The following BTAF1 variants were observed in gnomAD, a reference collection of about 807,000 sequenced individuals.
BTAF1 encodes the protein B-TFIID TATA-box binding protein associated factor 1, also known as TATA-binding protein-associated factor 172.
Under a neutral mutation model 227.1 loss-of-function variants are expected in BTAF1, and 38 were observed. The observed-to-expected ratio is 0.17, with a 90% CI of 0.13 to 0.22. BTAF1 has a LOEUF of 0.22. BTAF1 is among the 10% of genes least tolerant of loss of function. BTAF1 has a pLI of 1.00. For missense variants in BTAF1, 1,598 were observed against 2,204.0 expected (o/e 0.73, Z 5.51); for synonymous variants, 742 against 751.9 (o/e 0.99, Z 0.21).
At position 91,950,750 on chromosome 10, in the gene BTAF1, TG is replaced by T. The variant is rs200707246; in HGVS notation, c.401-652del. Among the ~76,000 whole-genome samples the T allele has an allele frequency of 2.4e-4, 36 of 152,240 alleles. No individual in the cohort carries two copies. In the East Asian group the frequency reaches 5.8e-3, roughly 24 times the overall value. On this transcript the variant is annotated intron_variant, in intron 4 of 37. Coordinates refer to ENST00000265990, the MANE Select transcript of BTAF1 (RefSeq NM_003972.3). ...CTTTTACTGTTGAACAAAATCTAGA[TG>T]TTTTTTTAGCCCAGTGAGAGCTTTC...
At chr10:91,948,369 CTATT>C (rs59744946) in intron 4 of BTAF1, among the ~76,000 whole-genome samples, 92,041 of 142,896 alleles carry the variant, frequency 0.64, 30,729 homozygotes, top group Non-Finnish European at 0.73. Flanking sequence ...AGTTTTAGAA[CTATT>C]TATTTATTTA....
chr10:91,978,365 G>A (rs1337492125), intron 14 of BTAF1, among the ~76,000 whole-genome samples: 2 of 151,942 alleles, frequency 1.3e-5, no homozygotes, highest in African/African-American at 2.4e-5. Context: ...GTTGAGGGTC[G>A]GGGAACAGAG....
chr10:91,936,652 C>G (rs1450681071), intron 2 of BTAF1, among the ~76,000 whole-genome samples: 3 of 152,150 alleles, frequency 2.0e-5, no homozygotes, highest in Admixed American at 2.0e-4. Context: ...GATGGAGAGA[C>G]AGTGATTTGA....
intron 1 of BTAF1, among the ~76,000 whole-genome samples, chr10:91,927,980 C>CTTT (rs60105160): frequency 4.9e-5 from 6 of 121,570 alleles, no homozygotes; most frequent in Admixed American, 8.2e-5. Context: ...TGCCTTTTTT[C>CTTT]TTTTTTTTTT....
At chr10:91,937,491 G>A (rs1398426352) in intron 2 of BTAF1, among the ~76,000 whole-genome samples, 1 of 152,010 alleles carries the variant, frequency 6.6e-6, no homozygotes, top group Non-Finnish European at 1.5e-5. Flanking sequence ...CCAGATCCTC[G>A]ACAACCACTA....
chr10:91,976,270 A>G (rs529890720), intron 14 of BTAF1, among the ~76,000 whole-genome samples: 11 of 152,270 alleles, frequency 7.2e-5, no homozygotes, highest in African/African-American at 2.6e-4. Flanking sequence ...TTCTTTAGGC[A>G]TGCCACCCTC....
At chr10:91,924,155 GC>G (rs1843668231) in intron 1 of BTAF1, 65 bp downstream of exon 1, 2 of 1,581,410 alleles carry the variant, frequency 1.3e-6, no homozygotes, top group East Asian at 4.8e-5. Flanking sequence ...TCCTCTTAGA[GC>G]CCCCACTCCT....
At chr10:91,954,620 C>T (rs986408431) in intron 6 of BTAF1, among the ~76,000 whole-genome samples, 3 of 151,738 alleles carry the variant, frequency 2.0e-5, no homozygotes, top group Non-Finnish European at 4.4e-5. Context: ...TGCAGTGGCT[C>T]GATCGTAGCT....
At chr10:91,985,931 T>A (rs1377689770) in intron 19 of BTAF1, among the ~76,000 whole-genome samples, 1 of 152,196 alleles carries the variant, frequency 6.6e-6, no homozygotes, top group Non-Finnish European at 1.5e-5. Context: ...CTCTTAATGC[T>A]GTCTTTGGAT....
At chr10:92,001,165 G>C (rs926965663) in intron 25 of BTAF1, among the ~76,000 whole-genome samples, 4 of 152,196 alleles carry the variant, frequency 2.6e-5, no homozygotes, top group African/African-American at 7.2e-5. Context: ...GCATAGCACA[G>C]AGAAGGGAAA....
At chr10:92,021,316 A>G (rs1589992752) in intron 34 of BTAF1, among the ~76,000 whole-genome samples, 1 of 152,164 alleles carries the variant, frequency 6.6e-6, no homozygotes, top group Admixed American at 6.5e-5. Context: ...TTAAAAGAAA[A>G]CACTTAGGTG....
chr10:91,995,165 G>GT (rs913890482), intron 23 of BTAF1, among the ~76,000 whole-genome samples: 6 of 151,972 alleles, frequency 3.9e-5, no homozygotes, highest in African/African-American at 1.2e-4. Flanking sequence ...GAATTATCTG[G>GT]TTTTTTTCAT....
rs1358667000 is a variant in BTAF1, at chr10:91,972,455, A to G, written c.1650+5698A>G. ...ACCTTTTCTCTCATGAGACAAATCA[A>G]ATCTCTAGTGCGACAAAGCATTTCC... On this transcript the variant is annotated intron_variant, in intron 14 of 37. Transcript: ENST00000265990. 5.3e-5 allele frequency among the ~76,000 whole-genome samples: 8 copies of G among 152,286 alleles called. No homozygotes were observed. In the South Asian group the frequency reaches 1.0e-3, roughly 20 times the overall value.
intron 32 of BTAF1, among the ~76,000 whole-genome samples, chr10:92,015,811 A>G (rs1466312242): frequency 6.6e-6 from 1 of 152,132 alleles, no homozygotes; most frequent in African/African-American, 2.4e-5. Flanking sequence ...ACATTATTTT[A>G]GCTTGTACAA....
intron 30 of BTAF1, among the ~76,000 whole-genome samples, chr10:92,012,647 T>G (rs1357305994): frequency 6.6e-6 from 1 of 151,172 alleles, no homozygotes; most frequent in Non-Finnish European, 1.5e-5. Flanking sequence ...GACGCACGCC[T>G]GTACTCCCAG....
intron 25 of BTAF1, among the ~76,000 whole-genome samples, chr10:91,999,330 T>C (rs141369615): frequency 1.3e-5 from 2 of 152,286 alleles, no homozygotes; most frequent in African/African-American, 4.8e-5. Context: ...AAATTGAAGC[T>C]ACCCAGCCTA....
intron 11 of BTAF1, among the ~76,000 whole-genome samples, chr10:91,961,211 T>G (rs1164449217): frequency 6.6e-6 from 1 of 152,154 alleles, no homozygotes; most frequent in Non-Finnish European, 1.5e-5. Flanking sequence ...AATGAGGAGC[T>G]AGAGAGAGAC....
rs1239352182 is a variant in BTAF1, at chr10:91,951,462, G to A, written c.460G>A (p.Gly154Ser). 1.2e-6 allele frequency: 2 copies of A among 1,613,166 alleles called. No homozygotes were observed. Among genetic ancestry groups the A allele is most frequent in the East Asian group, 4.5e-5 (2 of 44,780 alleles). ...ACGAAAATTATTACAGAAGAAACTT[G>A]GCCTTAATATGGGAGAAGCAATTGG... ...RQRKLLQKKL[G>S]LNMGEAIGMS... Residue 154 changes from glycine (G) to serine (S), a missense_variant, in exon 5 of 38, where the codon GGC becomes AGC. Around this residue, in one of 10 missense-constraint regions of BTAF1, gnomAD observed 298 missense variants for 395.2 expected, o/e 0.75. Transcript: ENST00000265990.
At chr10:92,017,686 A>T (rs780582090) in intron 33 of BTAF1, among the ~76,000 whole-genome samples, 4 of 151,702 alleles carry the variant, frequency 2.6e-5, no homozygotes, top group Non-Finnish European at 5.9e-5. Context: ...ATTTTTAAAA[A>T]TTTTTTTAGT....
Sources: gnomAD v4.1 joint callset for allele counts (sites outside exome capture counted in the v4.1 genomes callset) on GRCh38, gnomAD v4.1.1 for gene constraint, gnomAD v4.1.1 regional missense constraint, MANE v1.5 for transcripts, NCBI Gene and HGNC (gene_info 2026-07-23, HGNC 2026-07-21) for gene names.